Variants in WDR81 observed in about 807,000 individuals in gnomAD.
WDR81 encodes the protein WD repeat-containing protein 81.
In WDR81, 92 loss-of-function variants were observed where a neutral mutation model predicts 140.8. The observed-to-expected ratio is 0.65, with a 90% CI of 0.55 to 0.78. The LOEUF (loss-of-function observed/expected upper bound fraction) is 0.78, where lower values mean the gene tolerates loss of function less well. Ranked by LOEUF, WDR81 falls within the 30% of genes least tolerant of loss-of-function variation. WDR81 has a pLI of 0.00. For missense variants in WDR81, 2,502 were observed against 2,636.4 expected (o/e 0.95, Z 1.12); for synonymous variants, 1,183 against 1,156.4 (o/e 1.02, Z -0.47).
chr17:1,733,714 T>G lies in WDR81; in HGVS notation c.4677T>G (p.Phe1559Leu), dbSNP rs1289783991. The change falls in exon 7 of 10, where the codon TTT becomes TTG. Residue 1559 changes from phenylalanine (F) to leucine (L), a missense_variant. This residue lies in a region of WDR81 where 1,737 missense variants were observed against 1,843.0 expected (regional missense o/e 0.94). Coordinates refer to ENST00000409644, the MANE Select transcript of WDR81 (RefSeq NM_001163809.2). ...CPQDDGHSGTFGSVLVGNRIQ... is the reference protein window; with the variant it reads ...CPQDDGHSGTLGSVLVGNRIQ... Reference sequence around the variant, plus strand: ...AGGATGACGGCCACTCAGGGACCTTTGGGAGCGTCCTGGTGGGGAACCGCA... The same window carrying G: ...AGGATGACGGCCACTCAGGGACCTTGGGGAGCGTCCTGGTGGGGAACCGCA... The G allele has an allele frequency of 6.2e-7, 1 of 1,612,454 alleles. No individual in the cohort carries two copies.
chr17:1,717,719 G>T (rs952576595), intron 1 of WDR81, among the ~76,000 whole-genome samples: 2 of 152,222 alleles, frequency 1.3e-5, no homozygotes, highest in Non-Finnish European at 2.9e-5. Flanking sequence ...GGATGTGATT[G>T]TATGATCTTT....
rs572880682 is a variant in WDR81 at position 1,725,272 on chromosome 17, G to T, written c.313G>T (p.Val105Leu). The change falls in exon 1 of 10, where the codon GTG becomes TTG. Residue 105 changes from valine to leucine, a missense_variant. Physicochemically the swap from Val to Leu is conservative, Grantham distance 32 (BLOSUM62 1). Coordinates refer to ENST00000409644, the MANE Select transcript of WDR81 (RefSeq NM_001163809.2). The stretch of plus-strand genomic sequence containing the variant: ...AAGGCTGCCTGCCGGCTGGACGCGC[G>T]TGGAGGTGCATGGGCTGCGGAAGCG... The part of the protein sequence containing the change: ...VQRLPAGWTR[V>L]EVHGLRKRRL... 2.6e-6 allele frequency: 4 copies of T among 1,545,606 alleles called. No individual in the cohort carries two copies. Among genetic ancestry groups the T allele is most frequent in the Non-Finnish European group, 3.5e-6 (4 of 1,146,960 alleles).
At chr17:1,730,219 G>C (rs1311654534) in intron 1 of WDR81, among the ~76,000 whole-genome samples, 161 bp from the exon 2 acceptor site, 1 of 151,876 alleles carries the variant, frequency 6.6e-6, no homozygotes, top group Non-Finnish European at 1.5e-5. Context: ...GGGCACCTCT[G>C]CCGCTGTTAC....
chr17:1,723,182 C>CCGGCTGT, upstream of WDR81, among the ~76,000 whole-genome samples: 1 of 152,140 alleles, frequency 6.6e-6, no homozygotes, highest in Non-Finnish European at 1.5e-5. Context: ...TGCTTTGGTG[C>CCGGCTGT]CGGCTGTCTG....
At chr17:1,736,339 C>A in intron 9 of WDR81, 121 bp downstream of exon 9, 1 of 1,210,624 alleles carries the variant, frequency 8.3e-7, no homozygotes, top group Non-Finnish European at 1.1e-6. Flanking sequence ...TATACCTGGT[C>A]CAGGACTAAC....
chr17:1,723,922 A>G (rs545239978), upstream of WDR81, among the ~76,000 whole-genome samples: 1 of 152,306 alleles, frequency 6.6e-6, no homozygotes, highest in Non-Finnish European at 1.5e-5. Flanking sequence ...TATCACTTGT[A>G]AAATATAAAC....
intron 1 of WDR81, among the ~76,000 whole-genome samples, chr17:1,729,657 T>C (rs1915543369): frequency 6.6e-6 from 1 of 151,710 alleles, no homozygotes; most frequent in South Asian, 2.1e-4. Flanking sequence ...GGCTGTCATG[T>C]TCCATTAAAG....
chr17:1,730,854 C>G lies in WDR81; in HGVS notation c.3875C>G (p.Ser1292Ter). 7 of 1,612,916 alleles carry G rather than the reference C, an allele frequency of 4.3e-6. No homozygotes were observed. The highest frequency in any genetic ancestry group is 5.9e-6 in the Non-Finnish European group (7 of 1,179,996). The change falls in exon 3 of 10, where the codon TCA (serine) becomes TGA (stop). Residue 1292 changes from serine (S) to a stop codon, truncating the protein, a stop_gained. Transcript: ENST00000409644. LOFTEE classifies it high-confidence loss of function. ...AGGCCGGTCCTGGGCGACATCGTGT[C>G]AGGGCCTGTGCTCAGCTGCCTCCTC... The part of the protein sequence containing the change: ...QKRPVLGDIV[S>*]GPVLSCLLHI...
upstream of WDR81, among the ~76,000 whole-genome samples, chr17:1,721,857 C>T (rs1422654073): frequency 8.6e-5 from 13 of 150,846 alleles, no homozygotes; most frequent in African/African-American, 3.2e-4. Context: ...GGCACGGTGG[C>T]TCACACCTGT....
chr17:1,730,530 C>G, intron 2 of WDR81, 43 bp downstream of exon 2: 1 of 1,572,606 alleles, frequency 6.4e-7, no homozygotes, highest in Non-Finnish European at 8.7e-7. Context: ...GGCTTTCTCC[C>G]AGGCCCTCTG....
intron 9 of WDR81, among the ~76,000 whole-genome samples, chr17:1,736,802 A>G (rs1207273913): frequency 1.3e-5 from 2 of 152,174 alleles, no homozygotes; most frequent in African/African-American, 2.4e-5. Flanking sequence ...GGATTTCTGC[A>G]GGCAGCTGGG....
chr17:1,728,175 C>T lies in WDR81; in HGVS notation c.3216C>T (p.Ser1072=), dbSNP rs759299681. 6.2e-7 allele frequency: 1 copy of T among 1,605,322 alleles called. No individual in the cohort carries two copies. Among genetic ancestry groups the T allele is most frequent in the South Asian group, 1.1e-5 (1 of 90,830 alleles). The change falls in exon 1 of 10, where the codon AGC becomes AGT. Residue 1072 remains serine (S), a synonymous_variant. Transcript: ENST00000409644. ...LGLPDYTSGV[S]FHDQADLPET... ...TCCCAGACTACACGTCTGGCGTCAG[C>T]TTCCACGACCAGGCTGACCTCCCTG...
At position 1,728,541 on chromosome 17, in the gene WDR81, G is replaced by T. The variant is rs1915463462; in HGVS notation, c.3582G>T (p.Val1194=). Residue 1194 remains valine (V), a synonymous_variant, in exon 1 of 10, where the codon GTG becomes GTT. Coordinates refer to ENST00000409644, the MANE Select transcript of WDR81 (RefSeq NM_001163809.2). The stretch of plus-strand genomic sequence containing the variant: ...CGGTGCTGTCCATGGAGACGGTTGT[G>T]GCCGGCGGCAGTGGGGGAGATGGAG... ...SDTVLSMETV[V]AGGSGGDGEE... The T allele has an allele frequency of 6.5e-7, 1 of 1,544,902 alleles. No homozygotes were observed. The highest frequency in any genetic ancestry group is 2.0e-5 in the Admixed American group (1 of 50,112).
chr17:1,718,691 G>A (rs921375133), intron 1 of WDR81, among the ~76,000 whole-genome samples: 4 of 152,204 alleles, frequency 2.6e-5, no homozygotes, highest in African/African-American at 9.7e-5. Context: ...GGACTGACTT[G>A]GCAAGGCGTG....
Position 1,725,111 on chromosome 17 carries a change from G to A in WDR81, c.152G>A (p.Gly51Asp), listed in dbSNP as rs1915136312. 3 of 1,513,642 alleles carry A rather than the reference G, an allele frequency of 2.0e-6. No homozygotes were observed. Among genetic ancestry groups the A allele is most frequent in the African/African-American group, 2.8e-5 (2 of 72,482 alleles). The allele number at this position is 1,513,642 out of a possible 1,614,324, so 93.8% of individuals were successfully genotyped here. A position where few individuals can be genotyped will look rare whatever the true frequency, so the allele number is the denominator to read the frequency against. ...DPRQLAPAPG[G>D]THVVALVPAR... ...AGGCAGCTGGCTCCGGCCCCGGGGGGCACCCACGTGGTGGCCCTAGTGCCT... is the reference window on the plus strand; with the variant it reads ...AGGCAGCTGGCTCCGGCCCCGGGGGACACCCACGTGGTGGCCCTAGTGCCT... The change falls in exon 1 of 10, where the codon GGC becomes GAC. Residue 51 changes from glycine (G) to aspartate (D), a missense_variant. Gly to Asp is a moderately conservative substitution (Grantham distance 94, BLOSUM62 -1). Transcript: ENST00000409644.
chr17:1,737,306 GGC>G (rs1904954189), intron 9 of WDR81, 57 bp from the exon 10 acceptor site: 1 of 1,505,156 alleles, frequency 6.6e-7, no homozygotes, highest in Non-Finnish European at 8.9e-7. Flanking sequence ...AAGGCCTTGG[GGC>G]CCAAGGGTAT....
chr17:1,725,429 C>T lies in WDR81; in HGVS notation c.470C>T (p.Thr157Ile). 2.6e-6 allele frequency: 4 copies of T among 1,549,614 alleles called. No homozygotes were observed. Among genetic ancestry groups the T allele is most frequent in the East Asian group, 2.4e-5 (1 of 40,932 alleles). ...AACCTGTGGCGCCATGCATACCACACTTACGGCCAGCCGTACAGTCACAGC... is the reference window on the plus strand; with the variant it reads ...AACCTGTGGCGCCATGCATACCACATTTACGGCCAGCCGTACAGTCACAGC... ...YRNLWRHAYHTYGQPYSHSPA... is the reference protein window; with the variant it reads ...YRNLWRHAYHIYGQPYSHSPA... The change falls in exon 1 of 10, where the codon ACT (threonine) becomes ATT (isoleucine). Residue 157 changes from threonine to isoleucine, a missense_variant. By Grantham distance (89) the Thr-to-Ile change is moderately conservative. Around this residue, in one of 3 missense-constraint regions of WDR81, gnomAD observed 547 missense variants for 513.8 expected, o/e 1.06. Transcript: ENST00000409644.
rs2151163674 is a variant in WDR81, at chr17:1,727,159, C to G, written c.2200C>G (p.Leu734Val). Residue 734 changes from leucine (L) to valine (V), a missense_variant, in exon 1 of 10, where the codon CTG (leucine) becomes GTG (valine). Physicochemically the swap from Leu to Val is conservative, Grantham distance 32. This residue lies in a region of WDR81 where 1,737 missense variants were observed against 1,843.0 expected (regional missense o/e 0.94). Coordinates refer to ENST00000409644, the MANE Select transcript of WDR81 (RefSeq NM_001163809.2). ...GFNPMQALEE[L>V]EKTGNFLAKG... ...CAATCCCATGCAGGCCCTGGAGGAG[C>G]TGGAGAAAACGGGCAACTTCTTGGC... 1 of 1,547,644 alleles carries G rather than the reference C, an allele frequency of 6.5e-7. No homozygotes were observed. The highest frequency in any genetic ancestry group is 8.7e-7 in the Non-Finnish European group (1 of 1,145,060).
In WDR81 at chr17:1,727,054, C is replaced by T. The variant is rs531983937; in HGVS notation, c.2095C>T (p.Arg699Cys). The change falls in exon 1 of 10, where the codon CGT becomes TGT. Residue 699 changes from arginine to cysteine, a missense_variant. Arg to Cys is a radical substitution (Grantham distance 180, BLOSUM62 -3). Transcript: ENST00000409644. The part of the protein sequence containing the change: ...LLSFSVASAS[R>C]PGRRNKAAGA... ...CTCTTTCTCAGTGGCCTCAGCCTCC[C>T]GTCCAGGCCGCAGGAATAAAGCTGC... The T allele has an allele frequency of 3.9e-5, 61 of 1,550,264 alleles. No individual in the cohort carries two copies. In the East Asian group the frequency reaches 4.4e-4, roughly 11 times the overall value.
Sources: allele counts gnomAD v4.1 joint callset (sites outside exome capture counted in the v4.1 genomes callset), GRCh38; gene constraint gnomAD v4.1.1; regional missense constraint gnomAD v4.1.1; transcripts MANE v1.5; gene names NCBI Gene and HGNC (gene_info 2026-07-23, HGNC 2026-07-21).